GPC5: variants seen among roughly 807,000 people sequenced by gnomAD.
The protein encoded by GPC5 is glypican 5, also known as glypican-5.
In GPC5, 47 loss-of-function variants were observed where a neutral mutation model predicts 53.9. The observed-to-expected ratio is 0.87, with a 90% CI of 0.69 to 1.11. The LOEUF (loss-of-function observed/expected upper bound fraction) is 1.11. GPC5 is among the 50% of genes most tolerant of loss of function. GPC5 has a pLI of 0.00. For synonymous variants in GPC5, 286 were observed against 263.3 expected, an observed-to-expected ratio of 1.09 and a Z score of -0.84; for missense variants, 748 against 713.1, an observed-to-expected ratio of 1.05 and a Z score of -0.56.
chr13:91,577,601 T>A (rs1039764350), intron 2 of GPC5, among the ~76,000 whole-genome samples: 1 of 152,202 alleles, frequency 6.6e-6, no homozygotes, highest in Admixed American at 6.5e-5. Context: ...GCCAGAACAT[T>A]CACATTGCAT....
intron 7 of GPC5, among the ~76,000 whole-genome samples, chr13:92,839,702 G>A (rs2138831562): frequency 6.6e-6 from 1 of 151,920 alleles, no homozygotes; most frequent in African/African-American, 2.4e-5. Flanking sequence ...ATGAATCCAG[G>A]GGCTGGTTTT....
At chr13:92,154,069 C>A (rs115315809) in intron 7 of GPC5, among the ~76,000 whole-genome samples, 1 of 152,190 alleles carries the variant, frequency 6.6e-6, no homozygotes, top group Non-Finnish European at 1.5e-5. Flanking sequence ...ATCTGCTTAG[C>A]TCCTGGTGAG....
chr13:92,381,402 A>T (rs2043737838), intron 7 of GPC5, among the ~76,000 whole-genome samples: 1 of 152,136 alleles, frequency 6.6e-6, no homozygotes, highest in African/African-American at 2.4e-5. Flanking sequence ...CATTTCCGTG[A>T]TCATTAATGC....
intron 2 of GPC5, among the ~76,000 whole-genome samples, chr13:91,509,219 T>A (rs1885105221): frequency 6.6e-6 from 1 of 151,770 alleles, no homozygotes; most frequent in Admixed American, 6.6e-5. Flanking sequence ...TTCTTGAATA[T>A]TTTATTATTA....
At chr13:92,556,002 G>T (rs556968112) in intron 7 of GPC5, among the ~76,000 whole-genome samples, 1 of 151,536 alleles carries the variant, frequency 6.6e-6, no homozygotes, top group Non-Finnish European at 1.5e-5. Flanking sequence ...CTGGGCTGTG[G>T]CTGAATCACT....
intron 6 of GPC5, among the ~76,000 whole-genome samples, chr13:92,076,800 C>G (rs1298827029): frequency 6.6e-6 from 1 of 152,190 alleles, no homozygotes; most frequent in African/African-American, 2.4e-5. Flanking sequence ...GGGATATATG[C>G]ATCTGTAAAG....
At chr13:92,828,188 T>A (rs1877918249) in intron 7 of GPC5, among the ~76,000 whole-genome samples, 1 of 152,016 alleles carries the variant, frequency 6.6e-6, no homozygotes, top group Non-Finnish European at 1.5e-5. Context: ...CCAAACCAGA[T>A]GCTGGGAATT....
intron 2 of GPC5, among the ~76,000 whole-genome samples, chr13:91,666,870 AT>A (rs893844485): frequency 2.0e-5 from 3 of 152,072 alleles, no homozygotes; most frequent in Non-Finnish European, 2.9e-5. Context: ...GCCTTTTGGA[AT>A]TTTTTAGGTA....
intron 6 of GPC5, among the ~76,000 whole-genome samples, chr13:92,041,615 G>C (rs888095506): frequency 1.3e-5 from 2 of 152,188 alleles, no homozygotes; most frequent in Non-Finnish European, 2.9e-5. Flanking sequence ...TCAAGTGATT[G>C]TTATGAACTG....
At chr13:92,505,190 C>G (rs1880325060) in intron 7 of GPC5, among the ~76,000 whole-genome samples, 1 of 151,342 alleles carries the variant, frequency 6.6e-6, no homozygotes, top group South Asian at 2.1e-4. Flanking sequence ...TTTTAAAGAG[C>G]ATAGAAAGAG....
chr13:91,807,289 T>C (rs2038237484), intron 5 of GPC5, among the ~76,000 whole-genome samples: 1 of 152,184 alleles, frequency 6.6e-6, no homozygotes. Flanking sequence ...ATCTTGTTTT[T>C]TCAGTTATCA....
At chr13:91,851,390 C>T (rs74732089) in intron 5 of GPC5, among the ~76,000 whole-genome samples, 3,435 of 152,078 alleles carry the variant, frequency 0.023, 66 homozygotes, top group Middle Eastern at 0.034. Flanking sequence ...TTGCTCTAGG[C>T]GAGTCAGTAA....
chr13:92,421,698 CAAAA>C (rs34055682), intron 7 of GPC5, among the ~76,000 whole-genome samples: 16 of 69,482 alleles, frequency 2.3e-4, no homozygotes, highest in Middle Eastern at 0.011. Flanking sequence ...GACTCCGTCT[CAAAA>C]AAAAAAAAAA....
chr13:92,645,797 T>A (rs1885749135), intron 7 of GPC5, among the ~76,000 whole-genome samples: 1 of 152,150 alleles, frequency 6.6e-6, no homozygotes, highest in African/African-American at 2.4e-5. Flanking sequence ...ATCATTTTTT[T>A]ATTTGTCATC....
chr13:92,716,282 C>T (rs2139278769), intron 7 of GPC5, among the ~76,000 whole-genome samples: 1 of 152,204 alleles, frequency 6.6e-6, no homozygotes, highest in South Asian at 2.1e-4. Flanking sequence ...TATATGCCAG[C>T]AACACAGAGT....
chr13:91,608,883 C>A (rs1243888045), intron 2 of GPC5, among the ~76,000 whole-genome samples: 1 of 151,026 alleles, frequency 6.6e-6, no homozygotes, highest in African/African-American at 2.4e-5. Context: ...TTGCTTTCCC[C>A]TTTGATCATA....
At chr13:92,393,126 A>G (rs987039106) in intron 7 of GPC5, among the ~76,000 whole-genome samples, 1 of 152,204 alleles carries the variant, frequency 6.6e-6, no homozygotes, top group Non-Finnish European at 1.5e-5. Flanking sequence ...ACTATTCACA[A>G]TTGCAAAGAT....
intron 7 of GPC5, among the ~76,000 whole-genome samples, chr13:92,381,911 T>TATATATATATCATATATCATATATATGAG (rs1566565366): frequency 7.4e-6 from 1 of 135,818 alleles, no homozygotes. Context: ...ATATATATGA[T>TATATATATATCATATATCATATATATGAG]ATATATAATC....
intron 7 of GPC5, among the ~76,000 whole-genome samples, chr13:92,223,417 C>G (rs2139090778): frequency 6.6e-6 from 1 of 152,178 alleles, no homozygotes; most frequent in South Asian, 2.1e-4. Context: ...CCTTAAAAAG[C>G]TTCAGGGGTC....
Sources: allele counts gnomAD v4.1 joint callset (sites outside exome capture counted in the v4.1 genomes callset), GRCh38; gene constraint gnomAD v4.1.1; transcripts MANE v1.5; gene names NCBI Gene and HGNC (gene_info 2026-07-23, HGNC 2026-07-21).